PCDHA9: variants seen among roughly 807,000 people sequenced by gnomAD.
The protein encoded by PCDHA9 is protocadherin alpha-9.
PCDHA9 carries 62 observed loss-of-function variants against 62.0 expected under a neutral mutation model. That is an observed-to-expected ratio of 1.00 (90% confidence interval 0.81 to 1.23). The LOEUF (loss-of-function observed/expected upper bound fraction) is 1.23. PCDHA9 is among the 50% of genes most tolerant of loss of function. PCDHA9 has a pLI of 0.00. For synonymous variants in PCDHA9, 557 were observed against 567.6 expected, an observed-to-expected ratio of 0.98 and a Z score of 0.27; for missense variants, 1,205 against 1,249.8, an observed-to-expected ratio of 0.96 and a Z score of 0.54.
At chr5:141,000,415 ATATATATTTTTTTT>A (rs2097922429) in intron 3 of PCDHA9, among the ~76,000 whole-genome samples, 2 of 87,398 alleles carry the variant, frequency 2.3e-5, no homozygotes, top group Non-Finnish European at 4.3e-5. Flanking sequence ...ATATATATAT[ATATATATTTTTTTT>A]TTTTTTTTTT....
chr5:140,863,039 T>A (rs530548492), intron 1 of PCDHA9: 24 of 558,728 alleles, frequency 4.3e-5, no homozygotes, highest in South Asian at 3.2e-4. Flanking sequence ...GCTGCATCTG[T>A]CAGCTGGCAG....
intron 1 of PCDHA9, chr5:140,927,766 GAGGTGCA>G: frequency 6.2e-7 from 1 of 1,614,234 alleles, no homozygotes. Context: ...TAAAAGTGGG[GAGGTGCA>G]AGTAGCTGCT....
chr5:140,927,481 G>T, intron 1 of PCDHA9: 1 of 1,614,072 alleles, frequency 6.2e-7, no homozygotes, highest in Non-Finnish European at 8.5e-7. Context: ...CGAACAGCGC[G>T]CCACCCACCT....
At chr5:140,901,297 T>C (rs1224181769) in intron 1 of PCDHA9, among the ~76,000 whole-genome samples, 1 of 152,234 alleles carries the variant, frequency 6.6e-6, no homozygotes, top group Non-Finnish European at 1.5e-5. Context: ...CAGACTGATG[T>C]TCCGGAGAGT....
At chr5:140,857,915 G>C in intron 1 of PCDHA9, 4 of 1,597,912 alleles carry the variant, frequency 2.5e-6, no homozygotes, top group Non-Finnish European at 3.4e-6. Context: ...CCCGTTTCGC[G>C]TGGGGCTGTA....
intron 1 of PCDHA9, among the ~76,000 whole-genome samples, chr5:140,974,301 A>G (rs2096621600): frequency 6.6e-6 from 1 of 152,190 alleles, no homozygotes; most frequent in Non-Finnish European, 1.5e-5. Context: ...AGGAGGTACA[A>G]CTGTGAGTGA....
chr5:140,981,138 G>A (rs1554242668), intron 2 of PCDHA9, among the ~76,000 whole-genome samples: 11 of 152,206 alleles, frequency 7.2e-5, no homozygotes. Flanking sequence ...GTCAAAGAGT[G>A]AGAAAACATT....
At position 141,010,091 on chromosome 5, in the gene PCDHA9, A is replaced by G; in HGVS notation, c.*154A>G. The G allele has an allele frequency of 6.2e-7, 1 of 1,612,860 alleles. No individual in the cohort carries two copies. The highest frequency in any genetic ancestry group is 8.5e-7 in the Non-Finnish European group (1 of 1,179,382). ...AGTTCCCTGTGTCTGTCTAGAACGCATTTAACAGGTTTTGTCGTAAAAGCT... is the reference window on the plus strand; with the variant it reads ...AGTTCCCTGTGTCTGTCTAGAACGCGTTTAACAGGTTTTGTCGTAAAAGCT... On this transcript the variant is annotated 3_prime_UTR_variant, in exon 4 of 4. Coordinates refer to ENST00000532602, the MANE Select transcript of PCDHA9 (RefSeq NM_031857.2).
At chr5:140,970,893 T>C (rs568576965) in intron 1 of PCDHA9, among the ~76,000 whole-genome samples, 3 of 152,200 alleles carry the variant, frequency 2.0e-5, no homozygotes, top group Non-Finnish European at 4.4e-5. Context: ...CATGGACATT[T>C]CAGATAGATT....
At chr5:140,916,367 CT>C (rs1359695566) in intron 1 of PCDHA9, among the ~76,000 whole-genome samples, 1 of 152,196 alleles carries the variant, frequency 6.6e-6, no homozygotes, top group Non-Finnish European at 1.5e-5. Flanking sequence ...GAGTCTTTCA[CT>C]GTAGCCACCA....
intron 1 of PCDHA9, among the ~76,000 whole-genome samples, chr5:140,903,175 A>G (rs1554190800): frequency 1.3e-5 from 2 of 152,170 alleles, no homozygotes; most frequent in Non-Finnish European, 2.9e-5. Context: ...TTACATTCCC[A>G]CCAATAGTAT....
At chr5:140,993,795 C>T (rs1301191394) in intron 3 of PCDHA9, among the ~76,000 whole-genome samples, 2 of 152,128 alleles carry the variant, frequency 1.3e-5, no homozygotes, top group African/African-American at 2.4e-5. Flanking sequence ...ACATGCTGTG[C>T]AGGTTTGTAG....
chr5:140,862,513 A>G, intron 1 of PCDHA9: 1 of 408,216 alleles, frequency 2.4e-6, no homozygotes, highest in Non-Finnish European at 4.9e-6. Context: ...ACTCGCTTTC[A>G]TTGTTGGCCA....
chr5:140,851,098 T>G lies in PCDHA9; in HGVS notation c.2394+209T>G, dbSNP rs922217993. ...TAAACTGTATATTAAATAGATATTT[T>G]TTGGGTGCTGAATCAATTTTATTTA... On this transcript the variant is annotated intron_variant, in intron 1 of 3. Transcript: ENST00000532602. The G allele has an allele frequency of 1.5e-6, 2 of 1,293,414 alleles. 1 individual carries two copies. The highest frequency in any genetic ancestry group is 3.1e-5 in the African/African-American group (2 of 65,490). 80.1% of individuals were successfully genotyped at this position (1,293,414 alleles called of 1,614,324 possible).
intron 1 of PCDHA9, among the ~76,000 whole-genome samples, chr5:140,974,046 GATA>G (rs1554235775): frequency 6.6e-6 from 1 of 152,184 alleles, no homozygotes; most frequent in African/African-American, 2.4e-5. Context: ...TTATTAATAT[GATA>G]ATATTTGGAG....
intron 1 of PCDHA9, chr5:140,869,639 C>T: frequency 6.2e-7 from 1 of 1,613,534 alleles, no homozygotes; most frequent in Non-Finnish European, 8.5e-7. Context: ...GAGTATTTTT[C>T]TTTAGATTCA....
intron 1 of PCDHA9, among the ~76,000 whole-genome samples, chr5:140,909,158 A>G (rs2074345366): frequency 6.6e-6 from 1 of 152,338 alleles, no homozygotes; most frequent in Non-Finnish European, 1.5e-5. Flanking sequence ...TATGGAAGGG[A>G]AAATCAATCA....
chr5:140,875,817 G>C lies in PCDHA9; in HGVS notation c.2394+24928G>C, dbSNP rs1262566792. 3 of 1,614,090 alleles carry C rather than the reference G, an allele frequency of 1.9e-6. No homozygotes were observed. The highest frequency in any genetic ancestry group is 2.7e-5 in the African/African-American group (2 of 74,930). On this transcript the variant is annotated intron_variant, in intron 1 of 3. Coordinates refer to ENST00000532602, the MANE Select transcript of PCDHA9 (RefSeq NM_031857.2). ...AGGTGATCGTGGACAGGCCGCTGCA[G>C]GTTTTCCATGTGGACGTGGAGGTGA...
rs1382247797 is a variant in PCDHA9 at position 141,012,282 on chromosome 5, C to T, written c.*2345C>T. 2.6e-5 allele frequency: 4 copies of T among 153,718 alleles called. No individual in the cohort carries two copies. Among genetic ancestry groups the T allele is most frequent in the Non-Finnish European group, 4.4e-5 (3 of 68,036 alleles). 9.5% of individuals were successfully genotyped at this position (153,718 alleles called of 1,614,324 possible). Reference sequence around the variant, plus strand: ...AAGGATAAAACACGTCATGTGGATTCATTTTGAATTGGTGCTATTGGTATT... The same window carrying T: ...AAGGATAAAACACGTCATGTGGATTTATTTTGAATTGGTGCTATTGGTATT... On this transcript the variant is annotated 3_prime_UTR_variant, in exon 4 of 4. Coordinates refer to ENST00000532602, the MANE Select transcript of PCDHA9 (RefSeq NM_031857.2).
Sources: gnomAD v4.1 joint callset for allele counts (sites outside exome capture counted in the v4.1 genomes callset) on GRCh38, gnomAD v4.1.1 for gene constraint, MANE v1.5 for transcripts, NCBI Gene and HGNC (gene_info 2026-07-23, HGNC 2026-07-21) for gene names.